Variants in TMC5 observed in about 807,000 individuals in gnomAD.
TMC5 encodes transmembrane channel-like protein 5.
Under a neutral mutation model 110.5 loss-of-function variants are expected in TMC5, and 86 were observed. The observed-to-expected ratio is 0.78, with a 90% CI of 0.65 to 0.93. The LOEUF (loss-of-function observed/expected upper bound fraction) is 0.93. Ranked by LOEUF, TMC5 falls within the 40% of genes least tolerant of loss-of-function variation. The pLI is 0.00. For missense variants in TMC5, 1,144 were observed against 1,222.8 expected (o/e 0.94, Z 0.96); for synonymous variants, 455 against 439.5 (o/e 1.04, Z -0.44).
rs576869602 is a variant in TMC5 at position 19,492,521 on chromosome 16, C to T, written c.2826+293C>T. ...AGTGCAGTGGTGCAATCTCGGCTCA[C>T]GGCAACTTCTGCCTCCAGGGTTCAA... On this transcript the variant is annotated intron_variant, in intron 19 of 21. Transcript: ENST00000542583. Among the ~76,000 whole-genome samples, 366 of 152,202 alleles carry T rather than the reference C, an allele frequency of 2.4e-3. 2 individuals carry two copies. The highest frequency in any genetic ancestry group is 4.4e-3 in the Admixed American group (67 of 15,272).
chr16:19,479,464 C>G lies in TMC5; in HGVS notation c.2203C>G (p.Arg735Gly), dbSNP rs201640346. Residue 735 changes from arginine to glycine, a missense_variant, in exon 14 of 22, where the codon CGG becomes GGG. Physicochemically the swap from Arg to Gly is moderately radical, Grantham distance 125 (BLOSUM62 -2). Transcript: ENST00000542583. ...WETLIGQDIYRLLLMDFVFSL... is the reference protein window; with the variant it reads ...WETLIGQDIYGLLLMDFVFSL... ...AACCCTCATTGGCCAGGACATCTAC[C>G]GGCTCCTTCTGATGGATTTTGTGTT... 1.9e-6 allele frequency: 3 copies of G among 1,614,036 alleles called. No homozygotes were observed. The African/African-American group carries it at 4.0e-5, about 22-fold the overall frequency.
At chr16:19,469,626 A>G in intron 9 of TMC5, 55 bp from the exon 10 acceptor site, 1 of 1,606,692 alleles carries the variant, frequency 6.2e-7, no homozygotes, top group Non-Finnish European at 8.5e-7. Flanking sequence ...GAAGCCCTGC[A>G]CTCCCAGTGA....
rs758647211 is a variant in TMC5 at position 19,440,336 on chromosome 16, G to A, written c.298G>A (p.Asp100Asn). Residue 100 changes from aspartate to asparagine, a missense_variant, in exon 3 of 22, where the codon GAC (aspartate) becomes AAC (asparagine). Asp to Asn is a conservative substitution (Grantham distance 23, BLOSUM62 1). Coordinates refer to ENST00000542583, the MANE Select transcript of TMC5 (RefSeq NM_001261841.2). ...AYSAASRTSP[D>N]HPTSLPEPDY... ...CTCTGCAGCCTCTAGAACAAGCCCA[G>A]ACCATCCTACCTCTCTACCAGAGCC... The A allele has an allele frequency of 6.2e-7, 1 of 1,614,050 alleles. No individual in the cohort carries two copies. The highest frequency in any genetic ancestry group is 1.7e-5 in the Admixed American group (1 of 59,998).
At chr16:19,456,959 C>T (rs778267536) in intron 5 of TMC5, 3 of 1,614,168 alleles carry the variant, frequency 1.9e-6, no homozygotes, top group Non-Finnish European at 1.7e-6. Flanking sequence ...TCAGACCCTT[C>T]ATAGCCTAGA....
chr16:19,482,335 C>T (rs1197370862), intron 15 of TMC5, among the ~76,000 whole-genome samples: 2 of 152,194 alleles, frequency 1.3e-5, no homozygotes, highest in African/African-American at 4.8e-5. Flanking sequence ...GTTGGGATTA[C>T]AAGCATGAGC....
At chr16:19,480,527 G>A (rs919306828) in intron 14 of TMC5, among the ~76,000 whole-genome samples, 7 of 152,064 alleles carry the variant, frequency 4.6e-5, no homozygotes, top group Non-Finnish European at 7.4e-5. Flanking sequence ...AGGTTTGGCC[G>A]GGCACAGTGA....
intron 1 of TMC5, among the ~76,000 whole-genome samples, chr16:19,426,061 G>T (rs1188150982): frequency 1.3e-5 from 2 of 152,194 alleles, no homozygotes; most frequent in Admixed American, 1.3e-4. Flanking sequence ...ACAGTGCCTG[G>T]CACTGATATA....
chr16:19,468,866 C>T (rs1382562124), intron 9 of TMC5, among the ~76,000 whole-genome samples: 1 of 152,162 alleles, frequency 6.6e-6, no homozygotes, highest in East Asian at 1.9e-4. Flanking sequence ...GTGGCATGTG[C>T]CTGTAGTTCC....
intron 1 of TMC5, among the ~76,000 whole-genome samples, chr16:19,426,680 C>T (rs187050127): frequency 9.5e-4 from 145 of 152,288 alleles, no homozygotes; most frequent in African/African-American, 3.4e-3. Flanking sequence ...CACAAGTAAC[C>T]CACAAACCCA....
At chr16:19,467,234 T>C (rs1279123426) in intron 9 of TMC5, among the ~76,000 whole-genome samples, 6 of 152,064 alleles carry the variant, frequency 3.9e-5, no homozygotes, top group South Asian at 2.1e-4. Context: ...AGACCATTGG[T>C]TTAAACAACA....
intron 12 of TMC5, 25 bp downstream of exon 12, chr16:19,474,301 C>A: frequency 5.0e-6 from 8 of 1,606,838 alleles, no homozygotes; most frequent in Non-Finnish European, 6.8e-6. Flanking sequence ...GCGCCCAACA[C>A]CAGCCTCTAT....
chr16:19,463,988 C>T lies in TMC5; in HGVS notation c.1449C>T (p.Thr483=). ...AGTTTACCGTGGCCAAAAAGAACAC[C>T]CTCCAGTTCACTGGGCTGGAGTTTT... ...IPQFTVAKKN[T]LQFTGLEFFT... The change falls in exon 8 of 22, where the codon ACC becomes ACT. Residue 483 remains threonine, a synonymous_variant. Transcript: ENST00000542583. The T allele has an allele frequency of 6.2e-7, 1 of 1,614,100 alleles. No homozygotes were observed. Among genetic ancestry groups the T allele is most frequent in the Non-Finnish European group, 8.5e-7 (1 of 1,180,016 alleles).
chr16:19,487,363 TG>T (rs757849536), intron 17 of TMC5, 37 bp downstream of exon 17: 7 of 1,590,404 alleles, frequency 4.4e-6, no homozygotes, highest in Non-Finnish European at 6.0e-6. Context: ...TTTTAGAGAC[TG>T]GGTGGATGGG....
At chr16:19,466,531 T>C (rs1968194658) in intron 9 of TMC5, among the ~76,000 whole-genome samples, 1 of 152,134 alleles carries the variant, frequency 6.6e-6, no homozygotes, top group Non-Finnish European at 1.5e-5. Context: ...TTTGTATTTT[T>C]AATAGAGATG....
chr16:19,454,209 G>A (rs903136692), intron 5 of TMC5, among the ~76,000 whole-genome samples: 6 of 152,044 alleles, frequency 3.9e-5, no homozygotes, highest in South Asian at 2.1e-4. Context: ...CACCACACCT[G>A]GATAATTTTT....
chr16:19,469,369 A>T (rs1476056817), intron 9 of TMC5, among the ~76,000 whole-genome samples: 1 of 151,904 alleles, frequency 6.6e-6, no homozygotes, highest in African/African-American at 2.4e-5. Context: ...AAAAAAAAAA[A>T]ATTCTGTGAG....
At chr16:19,463,713 C>A (rs140731671) in intron 7 of TMC5, 63 bp from the exon 8 acceptor site, 1 of 1,571,748 alleles carries the variant, frequency 6.4e-7, no homozygotes, top group Non-Finnish European at 8.6e-7. Flanking sequence ...TATTATGGCA[C>A]CTGCTCAGTC....
chr16:19,422,935 G>T (rs904794610), intron 1 of TMC5, among the ~76,000 whole-genome samples: 1 of 152,118 alleles, frequency 6.6e-6, no homozygotes, highest in Non-Finnish European at 1.5e-5. Context: ...GCCACAGAGC[G>T]AGACTCAGTC....
In TMC5 at chr16:19,420,130, A is replaced by G. The variant is rs550708341; in HGVS notation, c.-308+2038A>G. Among the ~76,000 whole-genome samples, 70 of 152,124 alleles carry G rather than the reference A, an allele frequency of 4.6e-4. No individual in the cohort carries two copies. The Middle Eastern group carries it at 0.01, about 22-fold the overall frequency. ...GCGTGCACCACCATTAATGATTAAA[A>G]ATCAACTAATTTTAGGCCAGGTGTG... On this transcript the variant is annotated intron_variant, in intron 1 of 21. Coordinates refer to ENST00000542583, the MANE Select transcript of TMC5 (RefSeq NM_001261841.2).
Sources: allele counts gnomAD v4.1 joint callset (sites outside exome capture counted in the v4.1 genomes callset), GRCh38; gene constraint gnomAD v4.1.1; transcripts MANE v1.5; gene names NCBI Gene and HGNC (gene_info 2026-07-23, HGNC 2026-07-21).